Variants in PDE12 observed in about 807,000 individuals in gnomAD.
PDE12 encodes 2',5'-phosphodiesterase 12.
A neutral mutation model predicts 45.4 loss-of-function variants in PDE12; 26 were observed. The observed-to-expected ratio is 0.57, with a 90% CI of 0.42 to 0.79. The LOEUF (loss-of-function observed/expected upper bound fraction) is 0.79. PDE12 is among the 30% of genes least tolerant of loss of function. The probability of loss-of-function intolerance (pLI) is 0.00; values close to 1 mark genes in which losing one functional copy is unlikely to be tolerated. For synonymous variants in PDE12, 283 were observed against 323.9 expected (o/e 0.87, Z 1.36); for missense variants, 668 against 790.0 (o/e 0.85, Z 1.85).
the PDE12 span, among the ~76,000 whole-genome samples, chr3:57,643,090 A>AT: frequency 1.8e-4 from 28 of 152,206 alleles, no homozygotes; most frequent in African/African-American, 6.7e-4. Flanking sequence ...GGAAAAGCAA[A>AT]TTTGGATATG....
chr3:57,631,557 C>T, the PDE12 span, among the ~76,000 whole-genome samples: 6 of 152,032 alleles, frequency 3.9e-5, no homozygotes. Context: ...AGATAATGCA[C>T]TCAACATTTT....
chr3:57,613,965 A>AAAGAT, the PDE12 span, among the ~76,000 whole-genome samples: 1 of 152,024 alleles, frequency 6.6e-6, no homozygotes, highest in South Asian at 2.1e-4. Flanking sequence ...TAAGTATGGA[A>AAAGAT]AAGATATACC....
rs962996390 is a variant in PDE12, at chr3:57,566,299, T to C, written c.*6295T>C. 1.3e-5 allele frequency: 2 copies of C among 152,238 alleles called. No homozygotes were observed. Among genetic ancestry groups the C allele is most frequent in the African/African-American group, 4.8e-5 (2 of 41,462 alleles). The allele number at this position is 152,238 out of a possible 1,614,324, so 9.4% of individuals were successfully genotyped here. On this transcript the variant is annotated 3_prime_UTR_variant, in exon 3 of 3. Transcript: ENST00000311180. Reference sequence around the variant, plus strand: ...TTACTTAGGATGTTTTTAAGGTTCTTACTGTTGTAGGATGTATCAGGAGTT... The same window carrying C: ...TTACTTAGGATGTTTTTAAGGTTCTCACTGTTGTAGGATGTATCAGGAGTT...
the PDE12 span, among the ~76,000 whole-genome samples, chr3:57,624,726 T>C: frequency 2.6e-5 from 4 of 151,026 alleles, no homozygotes; most frequent in Non-Finnish European, 5.9e-5. Context: ...ATCACACCAC[T>C]GCACTCCAAC....
At chr3:57,576,429 T>G in the PDE12 span, among the ~76,000 whole-genome samples, 2 of 152,000 alleles carry the variant, frequency 1.3e-5, no homozygotes, top group East Asian at 3.8e-4. Context: ...TGTACAACTA[T>G]GTATGCTAAA....
the PDE12 span, among the ~76,000 whole-genome samples, chr3:57,612,769 CAAAA>C: frequency 3.1e-5 from 3 of 97,580 alleles, no homozygotes; most frequent in Non-Finnish European, 6.1e-5. Flanking sequence ...GAGTCCACCT[CAAAA>C]AAAAAAAAAA....
chr3:57,628,944 T>C, the PDE12 span: 1 of 1,460,054 alleles, frequency 6.8e-7, no homozygotes, highest in African/African-American at 1.4e-5. Context: ...AACCTCTCTA[T>C]TTCAATAGGT....
At chr3:57,603,075 G>A in the PDE12 span, among the ~76,000 whole-genome samples, 1,645 of 151,830 alleles carry the variant, frequency 0.011, 21 homozygotes, top group Non-Finnish European at 0.018. Context: ...GCTGAGGCAG[G>A]AGAATTGCTT....
At chr3:57,640,321 G>A in the PDE12 span, among the ~76,000 whole-genome samples, 1 of 150,024 alleles carries the variant, frequency 6.7e-6, no homozygotes, top group Non-Finnish European at 1.5e-5. Context: ...GGCAGGGAGT[G>A]GTGGCTCACA....
Position 57,557,762 on chromosome 3 carries a change from G to A in PDE12, c.1308+75G>A. ...CAGGAAGGCGAGGAATGAGGTGGGG[G>A]TTAAAAGTGCGATGAAAGTATCCAG... is the stretch of plus-strand genomic sequence containing the variant. On this transcript the variant is annotated intron_variant, in intron 1 of 2. Transcript: ENST00000311180. 4 of 1,330,724 alleles carry A rather than the reference G, an allele frequency of 3.0e-6. No individual in the cohort carries two copies. The South Asian group carries it at 5.3e-5, about 18-fold the overall frequency. 82.4% of individuals were successfully genotyped at this position (1,330,724 alleles called of 1,614,324 possible). A position where few individuals can be genotyped will look rare whatever the true frequency, so the allele number is the denominator to read the frequency against.
the PDE12 span, among the ~76,000 whole-genome samples, chr3:57,573,586 C>A: frequency 5.3e-5 from 8 of 152,132 alleles, no homozygotes; most frequent in East Asian, 1.5e-3. Context: ...ATTGATTGAT[C>A]GACTGATTGT....
At chr3:57,600,273 C>T in the PDE12 span, 1 of 152,326 alleles carries the variant, frequency 6.6e-6, no homozygotes, top group African/African-American at 2.4e-5. Context: ...AATCTGTCTG[C>T]CTTGGCCTCC....
chr3:57,651,541 A>AG, the PDE12 span, among the ~76,000 whole-genome samples: 1 of 152,190 alleles, frequency 6.6e-6, no homozygotes, highest in Non-Finnish European at 1.5e-5. Flanking sequence ...TAATAGGTAC[A>AG]GGGTTATGTT....
the PDE12 span, among the ~76,000 whole-genome samples, chr3:57,613,920 AAAAG>A: frequency 1.3e-5 from 2 of 150,760 alleles, no homozygotes; most frequent in Admixed American, 1.3e-4. Flanking sequence ...AAAAAAAAAA[AAAAG>A]AAATATGAAG....
the PDE12 span, among the ~76,000 whole-genome samples, chr3:57,637,902 G>A: frequency 6.6e-6 from 1 of 151,926 alleles, no homozygotes; most frequent in Non-Finnish European, 1.5e-5. Flanking sequence ...TTGGGAGGCT[G>A]AGGTGAGTGG....
the PDE12 span, among the ~76,000 whole-genome samples, chr3:57,625,297 T>G: frequency 6.6e-6 from 1 of 152,210 alleles, no homozygotes. Context: ...ACTGTTCACC[T>G]GTTCATAGTG....
chr3:57,640,895 T>A, the PDE12 span, among the ~76,000 whole-genome samples: 5 of 152,148 alleles, frequency 3.3e-5, no homozygotes, highest in Middle Eastern at 0.01. Flanking sequence ...AACCTCAGAA[T>A]TCATATACTT....
the PDE12 span, among the ~76,000 whole-genome samples, chr3:57,613,136 G>A: frequency 2.0e-5 from 3 of 151,174 alleles, no homozygotes; most frequent in East Asian, 2.0e-4. Flanking sequence ...GCCTGCGACC[G>A]CGTCTGGCTA....
the PDE12 span, among the ~76,000 whole-genome samples, chr3:57,602,086 A>C: frequency 6.6e-6 from 1 of 152,028 alleles, no homozygotes; most frequent in Non-Finnish European, 1.5e-5. Context: ...ATTTGAGCAG[A>C]TATATTCTAT....
Sources: gnomAD v4.1 joint callset for allele counts (sites outside exome capture counted in the v4.1 genomes callset) on GRCh38, gnomAD v4.1.1 for gene constraint, MANE v1.5 for transcripts, NCBI Gene and HGNC (gene_info 2026-07-23, HGNC 2026-07-21) for gene names.